Variants in AEN observed in about 807,000 individuals in gnomAD.
AEN encodes the protein apoptosis-enhancing nuclease.
AEN carries 21 observed loss-of-function variants against 17.7 expected under a neutral mutation model. The ratio of observed to expected loss-of-function variants is 1.19; its 90% CI spans 0.84 to 1.71. The LOEUF (loss-of-function observed/expected upper bound fraction) is 1.71, where lower values mean the gene tolerates loss of function less well. Among genes scored for constraint, AEN ranks in the 40% most tolerant of loss-of-function variants. The pLI, the probability that AEN is intolerant of heterozygous loss-of-function variation, is 0.00. For synonymous variants in AEN, 190 were observed against 173.0 expected, an observed-to-expected ratio of 1.10 and a Z score of -0.77; for missense variants, 462 against 435.9, an observed-to-expected ratio of 1.06 and a Z score of -0.53.
intron 1 of AEN, among the ~76,000 whole-genome samples, chr15:88,623,884 C>A (rs1405514970): frequency 6.6e-6 from 1 of 152,238 alleles, no homozygotes; most frequent in East Asian, 1.9e-4. Flanking sequence ...GCATGACCCG[C>A]CTTATGCTCT....
intron 1 of AEN, among the ~76,000 whole-genome samples, chr15:88,625,409 C>G (rs2141370778): frequency 6.6e-6 from 1 of 151,926 alleles, no homozygotes; most frequent in Middle Eastern, 3.4e-3. Context: ...TCCCAGCTAC[C>G]CAGGAGGCTG....
chr15:88,615,898 C>T, the AEN span, among the ~76,000 whole-genome samples: 1 of 152,150 alleles, frequency 6.6e-6, no homozygotes, highest in South Asian at 2.1e-4. Flanking sequence ...CAGAATGGCA[C>T]TCTGACTGTA....
chr15:88,628,871 TTC>T, intron 2 of AEN: 1 of 222,666 alleles, frequency 4.5e-6, no homozygotes. Flanking sequence ...TGGTGACGTC[TTC>T]CAGGCTGAGA....
At chr15:88,615,261 G>C in the AEN span, among the ~76,000 whole-genome samples, 1 of 152,174 alleles carries the variant, frequency 6.6e-6, no homozygotes, top group African/African-American at 2.4e-5. Context: ...GTCTAGAATG[G>C]AGCAAGGAAC....
At chr15:88,624,298 T>C (rs1183709446) in intron 1 of AEN, among the ~76,000 whole-genome samples, 1 of 151,940 alleles carries the variant, frequency 6.6e-6, no homozygotes, top group East Asian at 1.9e-4. Context: ...GGCGGAACAG[T>C]AGCTGAGTCT....
chr15:88,609,210 G>A, the AEN span, among the ~76,000 whole-genome samples: 2 of 152,148 alleles, frequency 1.3e-5, no homozygotes, highest in African/African-American at 4.8e-5. Flanking sequence ...GAGCCCTAGT[G>A]CTAGACTATT....
At chr15:88,607,879 A>G in the AEN span, among the ~76,000 whole-genome samples, 2 of 152,150 alleles carry the variant, frequency 1.3e-5, no homozygotes, top group East Asian at 1.9e-4. Context: ...CTCCCATGTT[A>G]CTATAGAAAC....
At chr15:88,619,888 T>G (rs1047279328), upstream of AEN, among the ~76,000 whole-genome samples, 6 of 152,126 alleles carry the variant, frequency 3.9e-5, no homozygotes, top group African/African-American at 1.4e-4. Flanking sequence ...ACTCTGGACA[T>G]CATGATCTTC....
chr15:88,609,063 C>G, the AEN span, among the ~76,000 whole-genome samples: 1 of 152,154 alleles, frequency 6.6e-6, no homozygotes, highest in African/African-American at 2.4e-5. Flanking sequence ...AATGTGAGTA[C>G]AGACCACTTC....
At chr15:88,607,300 T>C in the AEN span, among the ~76,000 whole-genome samples, 2 of 152,234 alleles carry the variant, frequency 1.3e-5, no homozygotes, top group Non-Finnish European at 2.9e-5. Context: ...CTTCTAATCC[T>C]CTGAGTTTTT....
At position 88,631,122 on chromosome 15, in the gene AEN, T is replaced by G. The variant is rs2057922684; in HGVS notation, c.*828T>G. 1 of 456,614 alleles carries G rather than the reference T, an allele frequency of 2.2e-6. No individual in the cohort carries two copies. The highest frequency in any genetic ancestry group is 4.4e-6 in the Non-Finnish European group (1 of 226,966). The allele number at this position is 456,614 out of a possible 1,614,324, so 28.3% of individuals were successfully genotyped here. A position where few individuals can be genotyped will look rare whatever the true frequency, so the allele number is the denominator to read the frequency against. ...CCCAGTCCACCCAGTACTGGGCTCT[T>G]AAGCAAAAGTCTGAGAAACAAGACA... On this transcript the variant is annotated 3_prime_UTR_variant, in exon 4 of 4. Transcript: ENST00000332810.
chr15:88,609,910 G>A, the AEN span, among the ~76,000 whole-genome samples: 10 of 152,184 alleles, frequency 6.6e-5, no homozygotes, highest in Non-Finnish European at 1.0e-4. Context: ...CAGGCTGTGC[G>A]CGAGGCACTT....
chr15:88,629,259 G>A lies in AEN; in HGVS notation c.574G>A (p.Gly192Arg), dbSNP rs866947698. 1 of 1,614,112 alleles carries A rather than the reference G, an allele frequency of 6.2e-7. No homozygotes were observed. Among genetic ancestry groups the A allele is most frequent in the Non-Finnish European group, 8.5e-7 (1 of 1,179,992 alleles). The change falls in exon 3 of 4, where the codon GGG becomes AGG. Residue 192 changes from glycine to arginine, a missense_variant. Transcript: ENST00000332810. ...LKLLKGKVVV[G>R]HALHNDFQAL... ...GCTCCTGAAGGGCAAGGTGGTGGTGGGGCACGCGCTGCACAACGACTTCCA... is the reference window on the plus strand; with the variant it reads ...GCTCCTGAAGGGCAAGGTGGTGGTGAGGCACGCGCTGCACAACGACTTCCA...
At position 88,626,788 on chromosome 15, in the gene AEN, G is replaced by A. The variant is rs779118062; in HGVS notation, c.540+39G>A. On this transcript the variant is annotated intron_variant, in intron 2 of 3. Coordinates refer to ENST00000332810, the MANE Select transcript of AEN (RefSeq NM_022767.4). ...TGGGGACTTGTTTGGGAGGTGTGGT[G>A]GGCTGGAAAGAGCCACCCTGGGTTT... 8 of 1,570,308 alleles carry A rather than the reference G, an allele frequency of 5.1e-6. No homozygotes were observed. In the South Asian group the frequency reaches 9.0e-5, roughly 18 times the overall value.
At chr15:88,615,182 G>A in the AEN span, among the ~76,000 whole-genome samples, 10 of 152,220 alleles carry the variant, frequency 6.6e-5, no homozygotes, top group African/African-American at 1.7e-4. Context: ...GTTTTTTCAA[G>A]TTCAGCATGT....
intron 1 of AEN, among the ~76,000 whole-genome samples, chr15:88,623,386 A>G (rs1304224520): frequency 6.6e-6 from 1 of 151,962 alleles, no homozygotes; most frequent in East Asian, 1.9e-4. Flanking sequence ...CAAACCTGGC[A>G]TTTCACCTCA....
chr15:88,622,247 T>C (rs1308266283), intron 1 of AEN, among the ~76,000 whole-genome samples: 1 of 152,154 alleles, frequency 6.6e-6, no homozygotes, highest in Non-Finnish European at 1.5e-5. Flanking sequence ...GAGCGCTGGG[T>C]CCAGGCTAGA....
In AEN at chr15:88,631,414, G is replaced by T; in HGVS notation, c.*1120G>T. On this transcript the variant is annotated 3_prime_UTR_variant, in exon 4 of 4. Coordinates refer to ENST00000332810, the MANE Select transcript of AEN (RefSeq NM_022767.4). ...TTCTTTCCTAAGTGACAGTTTTGAAGTATTGGATAACCAAGAGCTCAGGTC... is the reference window on the plus strand; with the variant it reads ...TTCTTTCCTAAGTGACAGTTTTGAATTATTGGATAACCAAGAGCTCAGGTC... 4.1e-6 allele frequency: 1 copy of T among 246,680 alleles called. No individual in the cohort carries two copies. Among genetic ancestry groups the T allele is most frequent in the Non-Finnish European group, 8.6e-6 (1 of 116,606 alleles). 15.3% of individuals were successfully genotyped at this position (246,680 alleles called of 1,614,324 possible). A position where few individuals can be genotyped will look rare whatever the true frequency, so the allele number is the denominator to read the frequency against.
At chr15:88,616,125 G>C in the AEN span, among the ~76,000 whole-genome samples, 1 of 149,488 alleles carries the variant, frequency 6.7e-6, no homozygotes, top group Non-Finnish European at 1.5e-5. Flanking sequence ...ATGGAGCCTT[G>C]CTCTGTCATC....
Sources: allele counts gnomAD v4.1 joint callset (sites outside exome capture counted in the v4.1 genomes callset), GRCh38; gene constraint gnomAD v4.1.1; transcripts MANE v1.5; gene names NCBI Gene and HGNC (gene_info 2026-07-23, HGNC 2026-07-21).